Variants in RIOX2 observed in about 807,000 individuals in gnomAD.
The protein encoded by RIOX2 is 60S ribosomal protein L27a histidine hydroxylase.
In RIOX2, 43 loss-of-function variants were observed where a neutral mutation model predicts 51.2. The ratio of observed to expected loss-of-function variants is 0.84; its 90% confidence interval spans 0.66 to 1.08. The LOEUF (loss-of-function observed/expected upper bound fraction) is 1.08, where lower values mean the gene tolerates loss of function less well. RIOX2 is among the 50% of genes least tolerant of loss of function. The probability of loss-of-function intolerance (pLI) is 0.00; values close to 1 mark genes in which losing one functional copy is unlikely to be tolerated. For synonymous variants in RIOX2, 226 were observed against 218.5 expected (o/e 1.03, Z -0.30); for missense variants, 566 against 561.7 (o/e 1.01, Z -0.08).
rs569069212 is a variant in RIOX2, at chr3:97,965,686, G to A, written c.432+1476C>T. On this transcript the variant is annotated intron_variant, in intron 2 of 9. Coordinates refer to ENST00000394198, the MANE Select transcript of RIOX2 (RefSeq NM_153182.4). ...GAATGTGCAGCACTTAAGTGGATGA[G>A]CAGAGAAAAGCCCTGCGGGGGATGA... 2.0e-4 allele frequency among the ~76,000 whole-genome samples: 31 copies of A among 152,290 alleles called. No homozygotes were observed. The South Asian group carries it at 5.4e-3, about 26-fold the overall frequency.
chr3:97,942,473 T>A lies in RIOX2; in HGVS notation c.*2711A>T. The A allele has an allele frequency of 6.4e-7, 1 of 1,565,418 alleles. No homozygotes were observed. The highest frequency in any genetic ancestry group is 8.7e-7 in the Non-Finnish European group (1 of 1,150,700). Reference sequence around the variant, plus strand: ...GCCTTTGATGATACCCAATGTTGTGTCCCTGGATATTAGTTTCAGTTCCAA... The same window carrying A: ...GCCTTTGATGATACCCAATGTTGTGACCCTGGATATTAGTTTCAGTTCCAA... On this transcript the variant is annotated 3_prime_UTR_variant, in exon 10 of 10. Transcript: ENST00000394198.
rs1267695962 is a variant in RIOX2, at chr3:97,943,902, G to A, written c.*1282C>T. ...TAACTAACCCCAGGCAGGGACCTCA[G>A]CTTTGTTAGGAATAAGGCACAAGAA... is the stretch of plus-strand genomic sequence containing the variant. On this transcript the variant is annotated 3_prime_UTR_variant, in exon 10 of 10. Transcript: ENST00000394198. The A allele has an allele frequency of 6.6e-6, 1 of 151,926 alleles. No individual in the cohort carries two copies. The highest frequency in any genetic ancestry group is 2.4e-5 in the African/African-American group (1 of 41,414). The allele number at this position is 151,926 out of a possible 1,614,324, so 9.4% of individuals were successfully genotyped here. A position where few individuals can be genotyped will look rare whatever the true frequency, so the allele number is the denominator to read the frequency against.
rs770449867 is a variant in RIOX2, at chr3:97,947,457, AC to A, written c.1061-9del. ...GCCTCGGTAACTTTCCACCTAGAAA[AC>A]CCCAAAGAGAGAAAGCCGACCTTCA... is the stretch of plus-strand genomic sequence containing the variant. On this transcript the variant is annotated splice_polypyrimidine_tract_variant and intron_variant, in intron 7 of 9. Coordinates refer to ENST00000394198, the MANE Select transcript of RIOX2 (RefSeq NM_153182.4). 1 of 1,611,956 alleles carries A rather than the reference AC, an allele frequency of 6.2e-7. No homozygotes were observed. The highest frequency in any genetic ancestry group is 1.1e-5 in the South Asian group (1 of 90,940).
chr3:97,969,727 T>C (rs993866199), intron 1 of RIOX2, among the ~76,000 whole-genome samples: 1 of 152,216 alleles, frequency 6.6e-6, no homozygotes, highest in African/African-American at 2.4e-5. Context: ...TTCACAAGTG[T>C]TGACACAACT....
chr3:97,969,586 A>C (rs1559766993), intron 1 of RIOX2, among the ~76,000 whole-genome samples: 2 of 152,226 alleles, frequency 1.3e-5, no homozygotes, highest in Non-Finnish European at 2.9e-5. Flanking sequence ...ATTACAGTTT[A>C]TACCAACACC....
Position 97,942,563 on chromosome 3 carries a change from T to C in RIOX2, c.*2621A>G, listed in dbSNP as rs142628310. 286 of 971,988 alleles carry C rather than the reference T, an allele frequency of 2.9e-4. 2 individuals are homozygous for C. The African/African-American group carries it at 4.0e-3, about 14-fold the overall frequency. The allele number at this position is 971,988 out of a possible 1,614,324, so 60.2% of individuals were successfully genotyped here. A position where few individuals can be genotyped will look rare whatever the true frequency, so the allele number is the denominator to read the frequency against. ...AGAAATGTTAAGTCATTTAAAATTA[T>C]GCTTGAAGAAAATTAAGATAGGCAG... On this transcript the variant is annotated 3_prime_UTR_variant, in exon 10 of 10. Coordinates refer to ENST00000394198, the MANE Select transcript of RIOX2 (RefSeq NM_153182.4).
At chr3:97,961,951 T>C (rs891968552) in intron 2 of RIOX2, among the ~76,000 whole-genome samples, 8 of 152,182 alleles carry the variant, frequency 5.3e-5, no homozygotes, top group East Asian at 1.9e-4. Context: ...AGGTGGGCAA[T>C]TGGGAGTCCG....
At chr3:97,952,370 G>T in intron 5 of RIOX2, 1 of 546,128 alleles carries the variant, frequency 1.8e-6, no homozygotes, top group South Asian at 1.6e-5. Context: ...GCTGAAAAGA[G>T]AAGAAATGAA....
chr3:97,954,581 T>TG, intron 4 of RIOX2, 86 bp from the exon 5 acceptor site: 5 of 1,098,742 alleles, frequency 4.6e-6, no homozygotes, highest in Non-Finnish European at 6.8e-6. Flanking sequence ...ATATGGGCTT[T>TG]GAGTCTCAGT....
chr3:97,965,210 T>TTAAA (rs372290568), intron 2 of RIOX2, among the ~76,000 whole-genome samples: 5 of 114,906 alleles, frequency 4.4e-5, no homozygotes, highest in Non-Finnish European at 8.5e-5. Context: ...ACAAAGAGAT[T>TTAAA]AAAAAAAAAA....
Position 97,950,882 on chromosome 3 carries a change from C to G in RIOX2, c.792G>C (p.Trp264Cys). ...VTISTYQNNS[W>C]GDFLLDTISG... is the part of the protein sequence containing the mutation. ...AGATGGTATCCAAAAGGAAATCTCC[C>G]CATGAACTAGGATATGCACCAAGGG... Residue 264 changes from tryptophan (W) to cysteine (C), a missense_variant, in exon 6 of 10, where the codon TGG becomes TGC. By Grantham distance (215) the Trp-to-Cys change is radical (BLOSUM62 -2). Coordinates refer to ENST00000394198, the MANE Select transcript of RIOX2 (RefSeq NM_153182.4). The G allele has an allele frequency of 1.2e-6, 2 of 1,612,354 alleles. No individual in the cohort carries two copies. Among genetic ancestry groups the G allele is most frequent in the Non-Finnish European group, 1.7e-6 (2 of 1,178,686 alleles).
At chr3:97,950,145 G>A in intron 6 of RIOX2, 130 bp from the exon 7 acceptor site, 1 of 787,738 alleles carries the variant, frequency 1.3e-6, no homozygotes, top group Non-Finnish European at 2.1e-6. Context: ...CAAAGGGGAA[G>A]GGACAACCTG....
intron 4 of RIOX2, among the ~76,000 whole-genome samples, chr3:97,958,346 T>C (rs1254362249): frequency 6.6e-6 from 1 of 152,220 alleles, no homozygotes; most frequent in Non-Finnish European, 1.5e-5. Context: ...TAAAGTTGAA[T>C]TATGGAACTA....
chr3:97,967,723 A>T, intron 1 of RIOX2, 91 bp from the exon 2 acceptor site: 1 of 899,264 alleles, frequency 1.1e-6, no homozygotes, highest in Non-Finnish European at 1.6e-6. Flanking sequence ...CTGAATGACC[A>T]TTACACCTTC....
chr3:97,942,495 C>T lies in RIOX2; in HGVS notation c.*2689G>A. The T allele has an allele frequency of 6.8e-7, 1 of 1,466,040 alleles. No homozygotes were observed. Among genetic ancestry groups the T allele is most frequent in the Admixed American group, 1.9e-5 (1 of 52,200 alleles). The allele number at this position is 1,466,040 out of a possible 1,614,324, so 90.8% of individuals were successfully genotyped here. A position where few individuals can be genotyped will look rare whatever the true frequency, so the allele number is the denominator to read the frequency against. On this transcript the variant is annotated 3_prime_UTR_variant, in exon 10 of 10. Coordinates refer to ENST00000394198, the MANE Select transcript of RIOX2 (RefSeq NM_153182.4). ...GTGTCCCTGGATATTAGTTTCAGTT[C>T]CAAATCTCCTCATTTTGGGTAAAGG...
rs776823096 is a variant in RIOX2 at position 97,949,897 on chromosome 3, A to G, written c.1007T>C (p.Met336Thr). 2.2e-5 allele frequency: 36 copies of G among 1,613,868 alleles called. No individual in the cohort carries two copies. Among genetic ancestry groups the G allele is most frequent in the South Asian group, 5.5e-5 (5 of 91,062 alleles). ...CGCAGAGTAAGGGGGGAGTCTGTGC[A>G]TAATAAAATCCTTCTTCATGTCTGA... ...LSSDMKKDFI[M>T]HRLPPYSAGD... The change falls in exon 7 of 10, where the codon ATG (methionine) becomes ACG (threonine). Residue 336 changes from methionine (M) to threonine (T), a missense_variant. Physicochemically the swap from Met to Thr is moderately conservative, Grantham distance 81. Transcript: ENST00000394198.
rs2040309300 is a variant in RIOX2 at position 97,944,593 on chromosome 3, T to A, written c.*591A>T. 1 of 152,286 alleles carries A rather than the reference T, an allele frequency of 6.6e-6. No individual in the cohort carries two copies. Among genetic ancestry groups the A allele is most frequent in the Admixed American group, 6.6e-5 (1 of 15,200 alleles). 9.4% of individuals were successfully genotyped at this position (152,286 alleles called of 1,614,324 possible). On this transcript the variant is annotated 3_prime_UTR_variant, in exon 10 of 10. Transcript: ENST00000394198. ...TTTTTATAGACTTTAAATACTGGGT[T>A]TTTTTCCTCCTTCAATCTCAGGCTT... is the stretch of plus-strand genomic sequence containing the variant.
At chr3:97,969,005 G>A (rs1706015263) in intron 1 of RIOX2, among the ~76,000 whole-genome samples, 1 of 152,208 alleles carries the variant, frequency 6.6e-6, no homozygotes, top group South Asian at 2.1e-4. Context: ...GGAACGATGT[G>A]TTGCATACTG....
chr3:97,957,077 C>A (rs764028656), intron 4 of RIOX2, among the ~76,000 whole-genome samples: 1 of 152,150 alleles, frequency 6.6e-6, no homozygotes, highest in Non-Finnish European at 1.5e-5. Context: ...GGGAAAGAAG[C>A]GGATAAGGGC....
Sources: gnomAD v4.1 joint callset for allele counts (sites outside exome capture counted in the v4.1 genomes callset) on GRCh38, gnomAD v4.1.1 for gene constraint, MANE v1.5 for transcripts, NCBI Gene and HGNC (gene_info 2026-07-23, HGNC 2026-07-21) for gene names.